EDC3: variants seen among roughly 807,000 people sequenced by gnomAD.
The protein encoded by EDC3 is enhancer of mRNA-decapping protein 3.
EDC3 carries 20 observed loss-of-function variants against 41.8 expected under a neutral mutation model. The ratio of observed to expected loss-of-function variants is 0.48; its 90% CI spans 0.34 to 0.70. The LOEUF (loss-of-function observed/expected upper bound fraction) is 0.70, where lower values mean the gene tolerates loss of function less well. Among genes scored for constraint, EDC3 ranks in the 30% least tolerant of loss-of-function variants. EDC3 has a pLI of 0.01. For missense variants in EDC3, 444 were observed against 636.8 expected (o/e 0.70, Z 3.26); for synonymous variants, 206 against 243.2 (o/e 0.85, Z 1.42).
chr15:74,656,016 T>G lies in EDC3; in HGVS notation c.537A>C (p.Leu179Phe), dbSNP rs2062544075. The change falls in exon 4 of 7, where the codon TTA (leucine) becomes TTC (phenylalanine). Residue 179 changes from leucine to phenylalanine, a missense_variant. By Grantham distance (22) the Leu-to-Phe change is conservative. Transcript: ENST00000315127. ...PNQATPKKSG[L>F]KNGQMKNKDD... ...CTTTATTCTTCATCTGGCCATTCTT[T>G]AAACCACTTTTCTTGGGAGTTGCCT... is the stretch of plus-strand genomic sequence containing the variant. The G allele has an allele frequency of 1.9e-6, 3 of 1,613,570 alleles. No individual in the cohort carries two copies. The highest frequency in any genetic ancestry group is 1.7e-5 in the Admixed American group (1 of 59,902).
chr15:74,693,579 G>C (rs1051442642), intron 1 of EDC3, among the ~76,000 whole-genome samples: 1 of 152,136 alleles, frequency 6.6e-6, no homozygotes, highest in African/African-American at 2.4e-5. Context: ...AATTCCAGCT[G>C]TAAGTAGTGT....
At chr15:74,689,936 C>G (rs1230702948) in intron 1 of EDC3, among the ~76,000 whole-genome samples, 1 of 152,008 alleles carries the variant, frequency 6.6e-6, no homozygotes, top group Non-Finnish European at 1.5e-5. Flanking sequence ...TTGGAATATC[C>G]TTCATCTCAT....
chr15:74,646,171 C>A (rs147115157), intron 4 of EDC3, among the ~76,000 whole-genome samples: 19 of 150,078 alleles, frequency 1.3e-4, no homozygotes, highest in African/African-American at 4.4e-4. Context: ...CTCCCGGGTT[C>A]AAGTGATTCT....
chr15:74,646,044 TTTG>T (rs757224888), intron 4 of EDC3, among the ~76,000 whole-genome samples: 8 of 150,874 alleles, frequency 5.3e-5, no homozygotes, highest in Non-Finnish European at 8.8e-5. Context: ...TCCCAGTCTT[TTTG>T]TTGTTGTTGT....
intron 1 of EDC3, among the ~76,000 whole-genome samples, chr15:74,685,372 C>T (rs976188535): frequency 1.8e-4 from 28 of 152,266 alleles, no homozygotes; most frequent in African/African-American, 5.8e-4. Context: ...CACTGCACCC[C>T]AGCCTAGATG....
At chr15:74,675,570 T>A (rs1392121241) in intron 1 of EDC3, among the ~76,000 whole-genome samples, 1 of 149,892 alleles carries the variant, frequency 6.7e-6, no homozygotes, top group African/African-American at 2.4e-5. Context: ...ATAATAATAG[T>A]AAATTCTGGA....
At chr15:74,663,916 A>G (rs1179920312) in intron 3 of EDC3, among the ~76,000 whole-genome samples, 1 of 152,214 alleles carries the variant, frequency 6.6e-6, no homozygotes, top group Non-Finnish European at 1.5e-5. Flanking sequence ...GGCACTGGTC[A>G]TCATTTTCTG....
At chr15:74,649,057 CTAA>C (rs1260145001) in intron 4 of EDC3, among the ~76,000 whole-genome samples, 7 of 143,586 alleles carry the variant, frequency 4.9e-5, no homozygotes, top group African/African-American at 1.8e-4. Context: ...CACACCCTGG[CTAA>C]TTTTTTTTTT....
intron 4 of EDC3, among the ~76,000 whole-genome samples, chr15:74,655,135 T>TA (rs1323270650): frequency 6.6e-6 from 1 of 152,194 alleles, no homozygotes; most frequent in East Asian, 1.9e-4. Context: ...GTTCTAATGC[T>TA]AAAAAAAGAA....
intron 4 of EDC3, among the ~76,000 whole-genome samples, chr15:74,652,007 G>A (rs769980538): frequency 6.6e-6 from 1 of 152,138 alleles, no homozygotes; most frequent in Non-Finnish European, 1.5e-5. Flanking sequence ...TGACTGCACG[G>A]CTGACTGCTT....
In EDC3 at chr15:74,631,355, C is replaced by T. The variant is rs1458996298; in HGVS notation, c.*1257G>A. On this transcript the variant is annotated 3_prime_UTR_variant, in exon 7 of 7. Transcript: ENST00000315127. ...ACAAGTCCTTGACAGGAATCCCTGC[C>T]AGGATTCCAGGCATAGATCCTGTTC... 1 of 152,268 alleles carries T rather than the reference C, an allele frequency of 6.6e-6. No individual in the cohort carries two copies. Among genetic ancestry groups the T allele is most frequent in the Non-Finnish European group, 1.5e-5 (1 of 68,068 alleles). 9.4% of individuals were successfully genotyped at this position (152,268 alleles called of 1,614,324 possible).
intron 1 of EDC3, among the ~76,000 whole-genome samples, chr15:74,691,030 A>G (rs2063001749): frequency 6.6e-6 from 1 of 152,100 alleles, no homozygotes. Context: ...CTCTGTCTCT[A>G]GAAAAAATAC....
At chr15:74,685,456 G>C (rs2062925534) in intron 1 of EDC3, among the ~76,000 whole-genome samples, 1 of 152,118 alleles carries the variant, frequency 6.6e-6, no homozygotes, top group Non-Finnish European at 1.5e-5. Context: ...CACCCCACTA[G>C]AATAGGACAA....
chr15:74,673,822 A>C (rs2141654713), intron 2 of EDC3, among the ~76,000 whole-genome samples: 1 of 149,394 alleles, frequency 6.7e-6, no homozygotes, highest in East Asian at 2.0e-4. Flanking sequence ...CCTGGGTGAC[A>C]GAGTGAGACT....
Position 74,671,436 on chromosome 15 carries a change from T to C in EDC3, c.484+19A>G. ...TGAAACACCAGATTGAGAAGAAATA[T>C]CAACTTGACCCTACTTACAGGAGTT... On this transcript the variant is annotated intron_variant, in intron 3 of 6. Transcript: ENST00000315127. The surrounding 1 kb of genome is among the most constrained non-coding windows in gnomAD (Gnocchi z 4.6). The C allele has an allele frequency of 6.3e-7, 1 of 1,597,784 alleles. No homozygotes were observed. Among genetic ancestry groups the C allele is most frequent in the Non-Finnish European group, 8.6e-7 (1 of 1,168,376 alleles).
Position 74,632,971 on chromosome 15 carries a change from G to C in EDC3, c.1193-25C>G. On this transcript the variant is annotated intron_variant, in intron 6 of 6. Coordinates refer to ENST00000315127, the MANE Select transcript of EDC3 (RefSeq NM_025083.5). This position sits in a 1 kb window ranked among gnomAD's most constrained non-coding sequence, Gnocchi z 4.0. ...TCTGCAGGTGGAAAGAGTGCCATCT[G>C]AAAGTCCCTATGAGCAGAGAGCAGC... 2 of 1,609,108 alleles carry C rather than the reference G, an allele frequency of 1.2e-6. No individual in the cohort carries two copies. Among genetic ancestry groups the C allele is most frequent in the Non-Finnish European group, 1.7e-6 (2 of 1,176,614 alleles).
At chr15:74,647,855 A>G (rs2062434921) in intron 4 of EDC3, among the ~76,000 whole-genome samples, 1 of 152,222 alleles carries the variant, frequency 6.6e-6, no homozygotes. Flanking sequence ...TTCGCAGAGG[A>G]GCACAGGTTT....
chr15:74,666,295 T>A (rs1175599779), intron 3 of EDC3, among the ~76,000 whole-genome samples: 2 of 152,190 alleles, frequency 1.3e-5, no homozygotes, highest in Non-Finnish European at 2.9e-5. Flanking sequence ...TTTTCCAAAC[T>A]AATCTGGATT....
chr15:74,682,527 A>G (rs1482159837), intron 1 of EDC3, among the ~76,000 whole-genome samples: 2 of 147,812 alleles, frequency 1.4e-5, no homozygotes, highest in Non-Finnish European at 3.0e-5. Flanking sequence ...CTGAGGCAGG[A>G]GAATGGCGTG....
Sources: gnomAD v4.1 joint callset for allele counts (sites outside exome capture counted in the v4.1 genomes callset) on GRCh38, gnomAD v4.1.1 for gene constraint, Gnocchi (gnomAD v3.1) non-coding constraint, MANE v1.5 for transcripts, NCBI Gene and HGNC (gene_info 2026-07-23, HGNC 2026-07-21) for gene names.